Variants in CPS1 observed in about 807,000 individuals in gnomAD.
CPS1 encodes carbamoyl-phosphate synthase 1.
CPS1 carries 109 observed loss-of-function variants against 174.6 expected under a neutral mutation model. The ratio of observed to expected loss-of-function variants is 0.62; its 90% CI spans 0.53 to 0.73. The LOEUF (loss-of-function observed/expected upper bound fraction) is 0.73, where lower values mean the gene tolerates loss of function less well. Ranked by LOEUF, CPS1 falls within the 30% of genes least tolerant of loss-of-function variation. The probability of loss-of-function intolerance (pLI) is 0.00; values close to 1 mark genes in which losing one functional copy is unlikely to be tolerated. For missense variants in CPS1, 1,689 were observed against 1,821.9 expected, an observed-to-expected ratio of 0.93 and a Z score of 1.33; for synonymous variants, 637 against 632.0, an observed-to-expected ratio of 1.01 and a Z score of -0.12.
chr2:210,526,574 T>C (rs1208132576), intron 1 of CPS1, among the ~76,000 whole-genome samples: 1 of 151,848 alleles, frequency 6.6e-6, no homozygotes, highest in Non-Finnish European at 1.5e-5. Context: ...GCACCTAGCA[T>C]GGGGCCTGCC....
In CPS1 at chr2:210,639,188, C is replaced by T. The variant is rs1270139997; in HGVS notation, c.2868C>T (p.Asn956=). 2 of 1,613,326 alleles carry T rather than the reference C, an allele frequency of 1.2e-6. No individual in the cohort carries two copies. Among genetic ancestry groups the T allele is most frequent in the Admixed American group, 1.7e-5 (1 of 60,016 alleles). ...TLAAEYPSVT[N]YLYVTYNGQE... ...CTGCAGAATACCCATCAGTAACAAA[C>T]TATCTCTATGTTACCTACAATGGTC... Residue 956 remains asparagine (N), a synonymous_variant, in exon 23 of 38, where the codon AAC becomes AAT. Transcript: ENST00000233072.
intron 1 of CPS1, among the ~76,000 whole-genome samples, chr2:210,525,823 G>GAA (rs573611923): frequency 0.023 from 3,517 of 150,550 alleles, 136 homozygotes; most frequent in African/African-American, 0.081. Context: ...GAGAGAGAGA[G>GAA]AGAGGGAGAG....
At chr2:210,570,614 C>A (rs961400400) in intron 1 of CPS1, among the ~76,000 whole-genome samples, 1 of 151,920 alleles carries the variant, frequency 6.6e-6, no homozygotes, top group Non-Finnish European at 1.5e-5. Flanking sequence ...TTGAAATTTA[C>A]AGTCTACACT....
In CPS1 at chr2:210,677,801, A is replaced by G. The variant is rs17832175; in HGVS notation, c.4405-86A>G. On this transcript the variant is annotated intron_variant, in intron 37 of 37. Transcript: ENST00000233072. ...TCCCATACCCCTTTGAAAACTGGGG[A>G]CAGACACTTGTGACTTTTGTCTTCA... 0.071 allele frequency: 75,095 copies of G among 1,064,398 alleles called. 3,002 individuals carry two copies. The highest frequency in any genetic ancestry group is 0.14 in the Middle Eastern group (709 of 5,028). 65.9% of individuals were successfully genotyped at this position (1,064,398 alleles called of 1,614,324 possible).
chr2:210,661,136 C>T (rs1448084257), intron 32 of CPS1, among the ~76,000 whole-genome samples: 1 of 152,162 alleles, frequency 6.6e-6, no homozygotes, highest in Non-Finnish European at 1.5e-5. Context: ...ACAGCTGTTG[C>T]TGTATATGGT....
chr2:210,539,815 C>A (rs1336612217), intron 1 of CPS1, among the ~76,000 whole-genome samples: 1 of 152,128 alleles, frequency 6.6e-6, no homozygotes, highest in Non-Finnish European at 1.5e-5. Flanking sequence ...CCCCAGGCTT[C>A]TTAATTCTTC....
At chr2:210,558,959 C>T (rs530890924) in intron 1 of CPS1, among the ~76,000 whole-genome samples, 1 of 152,038 alleles carries the variant, frequency 6.6e-6, no homozygotes, top group South Asian at 2.1e-4. Context: ...TGGAGGAATG[C>T]CAAGCACAAA....
intron 21 of CPS1, among the ~76,000 whole-genome samples, chr2:210,626,796 A>G (rs1456869254): frequency 6.6e-6 from 1 of 152,230 alleles, no homozygotes; most frequent in Non-Finnish European, 1.5e-5. Flanking sequence ...TTTATTAACC[A>G]GTGAAGAAGG....
At chr2:210,603,974 C>T (rs1421487443) in intron 16 of CPS1, among the ~76,000 whole-genome samples, 1 of 151,820 alleles carries the variant, frequency 6.6e-6, no homozygotes, top group African/African-American at 2.4e-5. Context: ...CAAATTTTCC[C>T]TGTATCTAAA....
At chr2:210,657,391 A>C (rs1700749362) in intron 30 of CPS1, 1 of 151,556 alleles carries the variant, frequency 6.6e-6, no homozygotes, top group African/African-American at 2.4e-5. Flanking sequence ...GCTGACTGCA[A>C]GCTCCGCCTT....
intron 1 of CPS1, among the ~76,000 whole-genome samples, chr2:210,527,766 T>C (rs1160301255): frequency 6.6e-6 from 1 of 151,886 alleles, no homozygotes; most frequent in Non-Finnish European, 1.5e-5. Flanking sequence ...GATACTTCAT[T>C]ACCTAATATA....
chr2:210,606,958 T>A lies in CPS1; in HGVS notation c.2192+17T>A. 6.2e-7 allele frequency: 1 copy of A among 1,603,052 alleles called. No homozygotes were observed. The highest frequency in any genetic ancestry group is 8.5e-7 in the Non-Finnish European group (1 of 1,171,492). On this transcript the variant is annotated intron_variant, in intron 18 of 37. Transcript: ENST00000233072. Reference sequence around the variant, plus strand: ...AGCCACTGGGTAAGACCAGAATAATTGACCATGGGTTTGCAGATTCTTTTC... The same window carrying A: ...AGCCACTGGGTAAGACCAGAATAATAGACCATGGGTTTGCAGATTCTTTTC...
chr2:210,536,879 A>T (rs907092070), intron 1 of CPS1, among the ~76,000 whole-genome samples: 1 of 152,226 alleles, frequency 6.6e-6, no homozygotes, highest in African/African-American at 2.4e-5. Context: ...CTTAGATTAA[A>T]GTTAAATAGT....
At chr2:210,560,404 A>T (rs1488610512) in intron 1 of CPS1, among the ~76,000 whole-genome samples, 2 of 152,120 alleles carry the variant, frequency 1.3e-5, no homozygotes, top group African/African-American at 4.8e-5. Context: ...TTTTATTTTT[A>T]CTTGCAAATG....
intron 30 of CPS1, among the ~76,000 whole-genome samples, chr2:210,656,924 C>T (rs907749147): frequency 3.9e-5 from 6 of 152,068 alleles, no homozygotes; most frequent in African/African-American, 1.4e-4. Context: ...ACTCCATCCC[C>T]CAGTTTCTGA....
At chr2:210,667,413 G>C (rs2105931938) in intron 33 of CPS1, among the ~76,000 whole-genome samples, 1 of 152,164 alleles carries the variant, frequency 6.6e-6, no homozygotes, top group East Asian at 1.9e-4. Flanking sequence ...ACTCCTATCA[G>C]GTTCAAATAT....
intron 1 of CPS1, among the ~76,000 whole-genome samples, chr2:210,525,692 C>T (rs973339627): frequency 3.3e-5 from 5 of 151,452 alleles, no homozygotes; most frequent in Non-Finnish European, 1.5e-5. Context: ...TTGGAGATGT[C>T]ATACCAGTGA....
intron 30 of CPS1, 99 bp downstream of exon 30, chr2:210,656,731 A>T (rs1298745941): frequency 1.2e-6 from 1 of 827,560 alleles, no homozygotes; most frequent in Non-Finnish European, 2.0e-6. Context: ...GCAATGTAAG[A>T]TATGCTGCAG....
chr2:210,671,016 C>G (rs990349846), intron 34 of CPS1, among the ~76,000 whole-genome samples: 10 of 152,146 alleles, frequency 6.6e-5, no homozygotes, highest in African/African-American at 2.4e-4. Flanking sequence ...CAACAAAAAT[C>G]ATCTTTGATT....
Sources: allele counts gnomAD v4.1 joint callset (sites outside exome capture counted in the v4.1 genomes callset), GRCh38; gene constraint gnomAD v4.1.1; transcripts MANE v1.5; gene names NCBI Gene and HGNC (gene_info 2026-07-23, HGNC 2026-07-21).